Variants in VAV2 observed in about 807,000 individuals in gnomAD.
The protein encoded by VAV2 is vav guanine nucleotide exchange factor 2.
A neutral mutation model predicts 132.5 loss-of-function variants in VAV2; 67 were observed. The observed-to-expected ratio is 0.51, with a 90% CI of 0.42 to 0.62. VAV2 has a LOEUF of 0.62. Ranked by LOEUF, VAV2 falls within the 20% of genes least tolerant of loss-of-function variation. VAV2 has a pLI of 0.00. For missense variants in VAV2, 938 were observed against 1,153.6 expected (o/e 0.81, Z 2.71); for synonymous variants, 492 against 443.5 (o/e 1.11, Z -1.37).
rs915684982 is a variant in VAV2 at position 133,834,487 on chromosome 9, C to T, written c.381-147G>A. On this transcript the variant is annotated intron_variant, in intron 3 of 29. Transcript: ENST00000371850. This position sits in a 1 kb window ranked among gnomAD's most constrained non-coding sequence, Gnocchi z 5.9. ...ACTCTCTGGAAGGACACAGGGTGCG[C>T]GGACACTGATCGGAGTCACAGGACG... The T allele has an allele frequency of 6.2e-6, 5 of 805,878 alleles. No homozygotes were observed. Among genetic ancestry groups the T allele is most frequent in the Middle Eastern group, 2.6e-4 (1 of 3,846 alleles). 49.9% of individuals were successfully genotyped at this position (805,878 alleles called of 1,614,324 possible). A position where few individuals can be genotyped will look rare whatever the true frequency, so the allele number is the denominator to read the frequency against.
chr9:133,955,605 A>C (rs1159370840), intron 1 of VAV2, among the ~76,000 whole-genome samples: 22 of 3,846 alleles, frequency 5.7e-3, no homozygotes, highest in East Asian at 0.013. Flanking sequence ...TCCTCCCCAC[A>C]CCCCCACTCC....
chr9:133,765,016 T>A (rs1440664535), intron 29 of VAV2, among the ~76,000 whole-genome samples: 1 of 152,056 alleles, frequency 6.6e-6, no homozygotes, highest in Non-Finnish European at 1.5e-5. Context: ...TCAAAACAAC[T>A]CCTCACAAAA....
Position 133,769,546 on chromosome 9 carries a change from T to A in VAV2, c.2348-43A>T, listed in dbSNP as rs1158193958. The stretch of plus-strand genomic sequence containing the variant: ...AGAACGTGAGGCGGGCAGCAGGGCA[T>A]CCACGCACAGTCACGGTGGGCACAG... On this transcript the variant is annotated intron_variant, in intron 27 of 29. Coordinates refer to ENST00000371850, the MANE Select transcript of VAV2 (RefSeq NM_001134398.2). This position sits in a 1 kb window ranked among gnomAD's most constrained non-coding sequence, Gnocchi z 8.1. 4 of 1,576,520 alleles carry A rather than the reference T, an allele frequency of 2.5e-6. No homozygotes were observed. Among genetic ancestry groups the A allele is most frequent in the African/African-American group, 1.4e-5 (1 of 73,996 alleles).
chr9:133,775,909 G>A, intron 24 of VAV2, 119 bp downstream of exon 24: 1 of 1,344,238 alleles, frequency 7.4e-7, no homozygotes, highest in East Asian at 2.6e-5. Flanking sequence ...GATGGCAACA[G>A]GCAGCCTGGG....
At chr9:133,789,401 C>G in intron 13 of VAV2, 58 bp from the exon 14 acceptor site, 1 of 1,563,598 alleles carries the variant, frequency 6.4e-7, no homozygotes, top group Non-Finnish European at 8.8e-7. Context: ...TTCTCCTGAC[C>G]GCACGGGCAG....
At chr9:133,906,016 G>C (rs769239752) in intron 2 of VAV2, among the ~76,000 whole-genome samples, 1 of 152,180 alleles carries the variant, frequency 6.6e-6, no homozygotes, top group Non-Finnish European at 1.5e-5. Flanking sequence ...TCCAGCCTGG[G>C]CAACAGAGTG....
At chr9:133,895,055 G>A (rs1195709376) in intron 2 of VAV2, among the ~76,000 whole-genome samples, 6 of 152,040 alleles carry the variant, frequency 3.9e-5, no homozygotes, top group Non-Finnish European at 7.4e-5. Flanking sequence ...GGGAGAGGGC[G>A]GCAAGAAAGA....
chr9:133,776,816 C>A (rs1475511641), intron 23 of VAV2, among the ~76,000 whole-genome samples: 4 of 152,114 alleles, frequency 2.6e-5, no homozygotes, highest in African/African-American at 7.2e-5. Flanking sequence ...GGGAACCCAC[C>A]CCTGCACCTT....
chr9:133,825,711 G>A (rs1588230179), intron 4 of VAV2, among the ~76,000 whole-genome samples: 1 of 152,078 alleles, frequency 6.6e-6, no homozygotes, highest in Non-Finnish European at 1.5e-5. Context: ...AGAGGACAGC[G>A]GTTTGTTCCT....
At chr9:133,925,234 G>A (rs577910275) in intron 2 of VAV2, among the ~76,000 whole-genome samples, 5 of 152,092 alleles carry the variant, frequency 3.3e-5, no homozygotes, top group Admixed American at 2.6e-4. Context: ...TCCCCCCACC[G>A]GAGACAGGGT....
chr9:133,857,236 C>T lies in VAV2; in HGVS notation c.380+4138G>A, dbSNP rs10993831. Among the ~76,000 whole-genome samples, 5,838 of 152,244 alleles carry T rather than the reference C, an allele frequency of 0.038. 344 individuals carry two copies. Among genetic ancestry groups the T allele is most frequent in the African/African-American group, 0.13 (5,313 of 41,508 alleles). On this transcript the variant is annotated intron_variant, in intron 3 of 29. Transcript: ENST00000371850. The surrounding 1 kb of genome is among the most constrained non-coding windows in gnomAD (Gnocchi z 4.0). ...TCTGGAGGGCTAGCTCTGGCCACAG[C>T]AAGACCCACATCCCCACACGCCTCG... is the stretch of plus-strand genomic sequence containing the variant.
intron 26 of VAV2, 38 bp downstream of exon 26, chr9:133,771,921 G>A: frequency 6.3e-7 from 1 of 1,589,294 alleles, no homozygotes; most frequent in Non-Finnish European, 8.6e-7. Context: ...GTCCCCTGTG[G>A]CTGGGGTGGG....
chr9:133,983,879 G>A (rs545491946), intron 1 of VAV2, among the ~76,000 whole-genome samples: 2 of 148,492 alleles, frequency 1.3e-5, no homozygotes, highest in Admixed American at 7.0e-5. Flanking sequence ...CCTCATTTTC[G>A]TTACTGTCCC....
intron 1 of VAV2, among the ~76,000 whole-genome samples, chr9:133,952,056 C>A (rs1273732373): frequency 6.6e-6 from 1 of 152,068 alleles, no homozygotes; most frequent in Non-Finnish European, 1.5e-5. Context: ...AAGGGACCAT[C>A]CTATTCATGA....
At chr9:133,818,521 C>T (rs1220676637) in intron 4 of VAV2, among the ~76,000 whole-genome samples, 1 of 152,162 alleles carries the variant, frequency 6.6e-6, no homozygotes, top group Non-Finnish European at 1.5e-5. Flanking sequence ...AGGACTCAGG[C>T]CTTTGGCCTT....
At chr9:133,848,261 C>A (rs897184650) in intron 3 of VAV2, among the ~76,000 whole-genome samples, 1 of 119,198 alleles carries the variant, frequency 8.4e-6, no homozygotes, top group African/African-American at 3.4e-5. Flanking sequence ...GCCTGGGCGA[C>A]TGAGTGAGAC....
In VAV2 at chr9:133,777,372, T is replaced by C; in HGVS notation, c.1965+17A>G. ...CAGGCCACCGTGCTCCAGAAGCTTC[T>C]GTGGGAAAGGACTCACCCTTCCATC... On this transcript the variant is annotated intron_variant, in intron 23 of 29. Transcript: ENST00000371850. 1 of 1,613,042 alleles carries C rather than the reference T, an allele frequency of 6.2e-7. No individual in the cohort carries two copies. The highest frequency in any genetic ancestry group is 1.1e-5 in the South Asian group (1 of 91,016).
chr9:133,987,044 T>C (rs974658043), intron 1 of VAV2, among the ~76,000 whole-genome samples: 1 of 150,420 alleles, frequency 6.6e-6, no homozygotes, highest in Non-Finnish European at 1.5e-5. Context: ...TATATTTATT[T>C]ATTTATTATT....
chr9:133,934,100 G>A (rs1840815980), intron 2 of VAV2, among the ~76,000 whole-genome samples: 1 of 151,952 alleles, frequency 6.6e-6, no homozygotes, highest in African/African-American at 2.4e-5. Flanking sequence ...ATGGCTGGAT[G>A]GATGGATGAT....
Sources: allele counts gnomAD v4.1 joint callset (sites outside exome capture counted in the v4.1 genomes callset), GRCh38; gene constraint gnomAD v4.1.1; non-coding constraint Gnocchi (gnomAD v3.1); transcripts MANE v1.5; gene names NCBI Gene and HGNC (gene_info 2026-07-23, HGNC 2026-07-21).